NAV2: variants seen among roughly 807,000 people sequenced by gnomAD.
NAV2 encodes helicase, APC down-regulated 1.
A neutral mutation model predicts 223.2 loss-of-function variants in NAV2; 54 were observed. That is an observed-to-expected ratio of 0.24 (90% confidence interval 0.19 to 0.30). The LOEUF (loss-of-function observed/expected upper bound fraction) is 0.30, where lower values mean the gene tolerates loss of function less well. Ranked by LOEUF, NAV2 falls within the 10% of genes least tolerant of loss-of-function variation. The pLI is 1.00. For synonymous variants in NAV2, 1,279 were observed against 1,239.3 expected (o/e 1.03, Z -0.67); for missense variants, 2,806 against 3,147.5 (o/e 0.89, Z 2.60).
chr11:19,683,141 G>T (rs73426642), intron 1 of NAV2, among the ~76,000 whole-genome samples: 2,786 of 152,264 alleles, frequency 0.018, 99 homozygotes, highest in African/African-American at 0.063. Flanking sequence ...TTTCCTTGTA[G>T]TGCTAATATT....
At chr11:19,494,480 A>G (rs1311256878) in intron 1 of NAV2, among the ~76,000 whole-genome samples, 1 of 152,222 alleles carries the variant, frequency 6.6e-6, no homozygotes, top group East Asian at 1.9e-4. Context: ...TTCCCAGTAA[A>G]GTTGTCCCCA....
intron 11 of NAV2, among the ~76,000 whole-genome samples, chr11:20,019,994 TAAA>T (rs763255071): frequency 7.5e-6 from 1 of 134,030 alleles, no homozygotes. Context: ...GGGCATGAGG[TAAA>T]AAAAAAAAAA....
chr11:19,977,422 G>T (rs2049859278), intron 10 of NAV2, among the ~76,000 whole-genome samples: 1 of 152,210 alleles, frequency 6.6e-6, no homozygotes, highest in Non-Finnish European at 1.5e-5. Flanking sequence ...CCATAATCAG[G>T]AAGAGGCAAT....
chr11:19,527,278 T>C (rs1188838675), intron 1 of NAV2, among the ~76,000 whole-genome samples: 1 of 152,226 alleles, frequency 6.6e-6, no homozygotes, highest in Non-Finnish European at 1.5e-5. Context: ...TTCTCTGTAG[T>C]CTGCTGCCAT....
At chr11:19,603,430 A>G (rs2135262535) in intron 1 of NAV2, among the ~76,000 whole-genome samples, 1 of 152,126 alleles carries the variant, frequency 6.6e-6, no homozygotes, top group South Asian at 2.1e-4. Context: ...GATTAAGACA[A>G]TCCTGGCTAA....
At chr11:19,959,553 T>C (rs1433441008) in intron 10 of NAV2, among the ~76,000 whole-genome samples, 1 of 152,238 alleles carries the variant, frequency 6.6e-6, no homozygotes, top group African/African-American at 2.4e-5. Flanking sequence ...GGCAAAGTGC[T>C]AGCCCAGTTC....
intron 1 of NAV2, among the ~76,000 whole-genome samples, chr11:19,494,708 T>G (rs1440273687): frequency 6.6e-6 from 1 of 152,176 alleles, no homozygotes; most frequent in Non-Finnish European, 1.5e-5. Flanking sequence ...GATGTAATAC[T>G]GATGTGAAAC....
rs1319349111 is a variant in NAV2, at chr11:19,776,593, TG to T, written c.268-55890del. 7.7e-5 allele frequency among the ~76,000 whole-genome samples: 11 copies of T among 142,824 alleles called. No individual in the cohort carries two copies. The East Asian group carries it at 2.2e-3, about 29-fold the overall frequency. The allele number at this position is 142,824 out of a possible 152,430, so 93.7% of individuals were successfully genotyped here. A position where few individuals can be genotyped will look rare whatever the true frequency, so the allele number is the denominator to read the frequency against. On this transcript the variant is annotated intron_variant, in intron 1 of 37. Transcript: ENST00000349880. ...TGGGGCAGGGGTGTGTGTGTGTGTG[TG>T]TGTGTGTGTGTGTGGTTAGAGTTGT...
At chr11:19,897,220 C>G (rs2042060043) in intron 6 of NAV2, among the ~76,000 whole-genome samples, 1 of 151,972 alleles carries the variant, frequency 6.6e-6, no homozygotes, top group Non-Finnish European at 1.5e-5. Context: ...ACATCACACA[C>G]CGGGGCCTGT....
intron 1 of NAV2, among the ~76,000 whole-genome samples, chr11:19,361,514 C>T (rs954188882): frequency 6.6e-6 from 1 of 151,982 alleles, no homozygotes; most frequent in Non-Finnish European, 1.5e-5. Context: ...TGGGGGGATC[C>T]TTCTGCACAG....
intron 1 of NAV2, among the ~76,000 whole-genome samples, chr11:19,798,783 A>G (rs1171902184): frequency 6.6e-6 from 1 of 152,196 alleles, no homozygotes; most frequent in East Asian, 1.9e-4. Flanking sequence ...GGTGTTACCA[A>G]GTGGATGGTG....
intron 6 of NAV2, among the ~76,000 whole-genome samples, chr11:19,923,170 A>G (rs1469626452): frequency 6.6e-6 from 1 of 152,120 alleles, no homozygotes; most frequent in Non-Finnish European, 1.5e-5. Flanking sequence ...GCCAGTGGAC[A>G]TCTGTCTTTT....
intron 36 of NAV2, among the ~76,000 whole-genome samples, chr11:20,110,862 G>A (rs920163860): frequency 1.3e-5 from 2 of 152,182 alleles, no homozygotes; most frequent in Non-Finnish European, 2.9e-5. Flanking sequence ...TCAGAGTGAG[G>A]TTCTAGGCTG....
intron 31 of NAV2, among the ~76,000 whole-genome samples, chr11:20,100,509 G>C (rs2061555324): frequency 6.6e-6 from 1 of 151,564 alleles, no homozygotes; most frequent in Non-Finnish European, 1.5e-5. Flanking sequence ...ACTCAGGTTT[G>C]GTTTGGGCAG....
intron 36 of NAV2, among the ~76,000 whole-genome samples, chr11:20,111,097 T>A (rs1257121739): frequency 6.6e-6 from 1 of 152,148 alleles, no homozygotes; most frequent in Non-Finnish European, 1.5e-5. Context: ...TGCAAGGGCG[T>A]GTAAGTGCAG....
chr11:19,547,245 C>T (rs2044529900), intron 1 of NAV2, among the ~76,000 whole-genome samples: 1 of 152,212 alleles, frequency 6.6e-6, no homozygotes. Flanking sequence ...AAGCAATCTG[C>T]AGAGCCCAGC....
At chr11:19,735,117 A>T (rs985791832) in intron 1 of NAV2, among the ~76,000 whole-genome samples, 1 of 152,248 alleles carries the variant, frequency 6.6e-6, no homozygotes, top group Non-Finnish European at 1.5e-5. Context: ...AGCCCAGGAC[A>T]TATCACATAG....
chr11:19,544,096 C>T (rs2044416826), intron 1 of NAV2, among the ~76,000 whole-genome samples: 1 of 152,176 alleles, frequency 6.6e-6, no homozygotes, highest in Admixed American at 6.5e-5. Context: ...CTGTGCCTGG[C>T]ACATAGTAAG....
intron 12 of NAV2, among the ~76,000 whole-genome samples, chr11:20,042,801 G>A (rs1333646261): frequency 2.0e-5 from 3 of 152,056 alleles, no homozygotes; most frequent in Admixed American, 6.5e-5. Context: ...CCCTGAAAGC[G>A]CTCCTGACCT....
Sources: allele counts gnomAD v4.1 joint callset (sites outside exome capture counted in the v4.1 genomes callset), GRCh38; gene constraint gnomAD v4.1.1; transcripts MANE v1.5; gene names NCBI Gene and HGNC (gene_info 2026-07-23, HGNC 2026-07-21).